The following FABP5 variants were observed in gnomAD, a reference collection of about 807,000 sequenced individuals.
The protein encoded by FABP5 is fatty acid-binding protein 5.
A neutral mutation model predicts 16.9 loss-of-function variants in FABP5; 7 were observed. The ratio of observed to expected loss-of-function variants is 0.41; its 90% confidence interval spans 0.24 to 0.78. The LOEUF (loss-of-function observed/expected upper bound fraction) is 0.78, where lower values mean the gene tolerates loss of function less well. Ranked by LOEUF, FABP5 falls within the 30% of genes least tolerant of loss-of-function variation. The pLI is 0.30. For missense variants in FABP5, 119 were observed against 159.5 expected, an observed-to-expected ratio of 0.75 and a Z score of 1.37; for synonymous variants, 37 against 52.8, an observed-to-expected ratio of 0.70 and a Z score of 1.30.
chr8:81,280,980 A>G (rs1205000317), intron 1 of FABP5: 4 of 353,014 alleles, frequency 1.1e-5, no homozygotes, highest in South Asian at 1.1e-4. Flanking sequence ...GCCCTTCCGC[A>G]TTGCTTCCTG....
rs146990587 is a variant in FABP5, at chr8:81,283,546, G to A, written c.252+8G>A. 6.5e-5 allele frequency: 104 copies of A among 1,604,492 alleles called. No homozygotes were observed. The highest frequency in any genetic ancestry group is 3.3e-4 in the Middle Eastern group (2 of 6,026). ...GATGGCAGAAAAACTCAGGTCAGTCGTGACATGTTATGAAATCACAGAAGC... is the reference window on the plus strand; with the variant it reads ...GATGGCAGAAAAACTCAGGTCAGTCATGACATGTTATGAAATCACAGAAGC... On this transcript the variant is annotated splice_region_variant and intron_variant, in intron 2 of 3. Transcript: ENST00000297258.
chr8:81,284,383 T>C, intron 3 of FABP5, 131 bp from the exon 4 acceptor site: 1 of 631,570 alleles, frequency 1.6e-6, no homozygotes, highest in Non-Finnish European at 2.8e-6. Context: ...CCGTGAATTC[T>C]GAAAGAAATT....
At position 81,283,991 on chromosome 8, in the gene FABP5, T is replaced by C; in HGVS notation, c.354+17T>C. On this transcript the variant is annotated intron_variant, in intron 3 of 3. Coordinates refer to ENST00000297258, the MANE Select transcript of FABP5 (RefSeq NM_001444.3). ...TTAGTGGTGGTAAGTGTCAAACTGC[T>C]GTGTCTCAGTCAGCTTCTTGTGTGC... is the stretch of plus-strand genomic sequence containing the variant. 6.4e-7 allele frequency: 1 copy of C among 1,556,532 alleles called. No homozygotes were observed. The highest frequency in any genetic ancestry group is 8.8e-7 in the Non-Finnish European group (1 of 1,138,604).
In FABP5 at chr8:81,281,492, G is replaced by GTGTGTTGCCAT; in HGVS notation, c.79+819_79+829dup. 1 of 985,594 alleles carries GTGTGTTGCCAT rather than the reference G, an allele frequency of 1.0e-6. No individual in the cohort carries two copies. The highest frequency in any genetic ancestry group is 1.2e-6 in the Non-Finnish European group (1 of 830,074). 61.1% of individuals were successfully genotyped at this position (985,594 alleles called of 1,614,324 possible). On this transcript the variant is annotated intron_variant, in intron 1 of 3. Coordinates refer to ENST00000297258, the MANE Select transcript of FABP5 (RefSeq NM_001444.3). This position sits in a 1 kb window ranked among gnomAD's most constrained non-coding sequence, Gnocchi z 4.5. ...AGCGCAATGAGGCCTGGGGGTGGCCGTGTGTTGCCATCCTGGCCTCTGCCA... is the reference window on the plus strand; with the variant it reads ...AGCGCAATGAGGCCTGGGGGTGGCCGTGTGTTGCCATTGTGTTGCCATCCTGGCCTCTGCCA...
chr8:81,281,300 C>T lies in FABP5; in HGVS notation c.79+626C>T, dbSNP rs1807826778. The T allele has an allele frequency of 1.0e-6, 1 of 964,404 alleles. No homozygotes were observed. The highest frequency in any genetic ancestry group is 1.2e-6 in the Non-Finnish European group (1 of 810,750). 59.7% of individuals were successfully genotyped at this position (964,404 alleles called of 1,614,324 possible). A position where few individuals can be genotyped will look rare whatever the true frequency, so the allele number is the denominator to read the frequency against. On this transcript the variant is annotated intron_variant, in intron 1 of 3. Transcript: ENST00000297258. This position sits in a 1 kb window ranked among gnomAD's most constrained non-coding sequence, Gnocchi z 4.5. ...CTTCAGCTTGCATTCCTCTGTCAGC[C>T]CCGTCTCCCCCAGGTCCTCTGCTCG...
Position 81,281,774 on chromosome 8 carries a change from C to T in FABP5, c.79+1100C>T. The T allele has an allele frequency of 1.4e-6, 1 of 734,338 alleles. No homozygotes were observed. The highest frequency in any genetic ancestry group is 1.7e-6 in the Non-Finnish European group (1 of 600,790). The allele number at this position is 734,338 out of a possible 1,614,324, so 45.5% of individuals were successfully genotyped here. A position where few individuals can be genotyped will look rare whatever the true frequency, so the allele number is the denominator to read the frequency against. ...GCTGATTGAGACACTGGATAAATTG[C>T]AAACAAAAATGGACCTTTGTCACAG... is the stretch of plus-strand genomic sequence containing the variant. On this transcript the variant is annotated intron_variant, in intron 1 of 3. Coordinates refer to ENST00000297258, the MANE Select transcript of FABP5 (RefSeq NM_001444.3). The surrounding 1 kb of genome is among the most constrained non-coding windows in gnomAD (Gnocchi z 4.5).
At chr8:81,284,460 C>A in intron 3 of FABP5, 54 bp from the exon 4 acceptor site, 1 of 1,204,620 alleles carries the variant, frequency 8.3e-7, no homozygotes, top group Non-Finnish European at 1.2e-6. Flanking sequence ...AATACCACCA[C>A]TGCTCTGGAA....
intron 1 of FABP5, among the ~76,000 whole-genome samples, chr8:81,282,386 C>CAATA (rs1473585749): frequency 6.6e-6 from 1 of 152,084 alleles, no homozygotes; most frequent in East Asian, 1.9e-4. Context: ...CATAATGACT[C>CAATA]AATTAACAGC....
At chr8:81,283,996 CTCAG>C (rs769680752) in intron 3 of FABP5, 22 bp downstream of exon 3, 2 of 1,525,630 alleles carry the variant, frequency 1.3e-6, no homozygotes, top group South Asian at 1.1e-5. Flanking sequence ...ACTGCTGTGT[CTCAG>C]TCAGCTTCTT....
Position 81,281,622 on chromosome 8 carries a change from C to T in FABP5, c.79+948C>T. The T allele has an allele frequency of 2.7e-5, 27 of 985,434 alleles. No homozygotes were observed. The highest frequency in any genetic ancestry group is 3.1e-5 in the Non-Finnish European group (26 of 829,920). 61.0% of individuals were successfully genotyped at this position (985,434 alleles called of 1,614,324 possible). A position where few individuals can be genotyped will look rare whatever the true frequency, so the allele number is the denominator to read the frequency against. ...TGCATGCAAGATGGGTGTGGCCCTG[C>T]AGAAGGCAGATGACTTCTTGAAGCG... On this transcript the variant is annotated intron_variant, in intron 1 of 3. Coordinates refer to ENST00000297258, the MANE Select transcript of FABP5 (RefSeq NM_001444.3). This position sits in a 1 kb window ranked among gnomAD's most constrained non-coding sequence, Gnocchi z 4.5.
Position 81,284,295 on chromosome 8 carries a change from A to C in FABP5, c.355-219A>C, listed in dbSNP as rs1586290375. The C allele has an allele frequency of 2.2e-5, 12 of 536,134 alleles. No individual in the cohort carries two copies. The East Asian group carries it at 3.5e-4, about 15-fold the overall frequency. 33.2% of individuals were successfully genotyped at this position (536,134 alleles called of 1,614,324 possible). On this transcript the variant is annotated intron_variant, in intron 3 of 3. Transcript: ENST00000297258. Reference sequence around the variant, plus strand: ...AATATTTGCCATAACCAAAAGAATAAAGATATATTCAACACATTAGTTTTC... The same window carrying C: ...AATATTTGCCATAACCAAAAGAATACAGATATATTCAACACATTAGTTTTC...
chr8:81,282,167 AGTGT>A (rs10700115), intron 1 of FABP5, among the ~76,000 whole-genome samples: 255 of 147,782 alleles, frequency 1.7e-3, no homozygotes, highest in Middle Eastern at 0.017. Flanking sequence ...AATAAATAAC[AGTGT>A]GTGTGTGTGT....
chr8:81,281,362 C>T lies in FABP5; in HGVS notation c.79+688C>T. The T allele has an allele frequency of 5.1e-6, 5 of 985,598 alleles. No individual in the cohort carries two copies. Among genetic ancestry groups the T allele is most frequent in the Non-Finnish European group, 6.0e-6 (5 of 830,116 alleles). 61.1% of individuals were successfully genotyped at this position (985,598 alleles called of 1,614,324 possible). ...TGAGCCGAACCCTTTGGATTGGTAC[C>T]CCATGGAACACCAGGGCCCCCGAGA... On this transcript the variant is annotated intron_variant, in intron 1 of 3. Coordinates refer to ENST00000297258, the MANE Select transcript of FABP5 (RefSeq NM_001444.3). The surrounding 1 kb of genome is among the most constrained non-coding windows in gnomAD (Gnocchi z 4.5).
At position 81,284,498 on chromosome 8, in the gene FABP5, T is replaced by G. The variant is rs751132842; in HGVS notation, c.355-16T>G. On this transcript the variant is annotated splice_polypyrimidine_tract_variant and intron_variant, in intron 3 of 3. Coordinates refer to ENST00000297258, the MANE Select transcript of FABP5 (RefSeq NM_001444.3). ...TAAGGCTAACCTAACTCTTTTAATA[T>G]CTTTCCTTCTTCTAGGAGTGTGTCA... is the stretch of plus-strand genomic sequence containing the variant. 14 of 1,581,356 alleles carry G rather than the reference T, an allele frequency of 8.9e-6. No individual in the cohort carries two copies. In the Middle Eastern group the frequency reaches 6.7e-4, roughly 75 times the overall value.
rs529007132 is a variant in FABP5, at chr8:81,281,592, C to G, written c.79+918C>G. On this transcript the variant is annotated intron_variant, in intron 1 of 3. Coordinates refer to ENST00000297258, the MANE Select transcript of FABP5 (RefSeq NM_001444.3). This position sits in a 1 kb window ranked among gnomAD's most constrained non-coding sequence, Gnocchi z 4.5. ...CAGAAACTGCCTGGCCCTCCTGCGG[C>G]TAACTGCATGCAAGATGGGTGTGGC... The G allele has an allele frequency of 1.5e-4, 150 of 985,610 alleles. No individual in the cohort carries two copies. The African/African-American group carries it at 2.5e-3, about 17-fold the overall frequency. 61.1% of individuals were successfully genotyped at this position (985,610 alleles called of 1,614,324 possible). A position where few individuals can be genotyped will look rare whatever the true frequency, so the allele number is the denominator to read the frequency against.
intron 2 of FABP5, 66 bp from the exon 3 acceptor site, chr8:81,283,807 G>A: frequency 1.6e-6 from 2 of 1,283,004 alleles, no homozygotes; most frequent in Non-Finnish European, 2.2e-6. Flanking sequence ...TGATTAAGGA[G>A]GTTATGAGTC....
chr8:81,281,976 C>T lies in FABP5; in HGVS notation c.79+1302C>T, dbSNP rs557224423. ...TGACCCTCTATTGATACCTGGTCGC[C>T]GTGGCACTTCGGAATCACTCCTTCA... On this transcript the variant is annotated intron_variant, in intron 1 of 3. Coordinates refer to ENST00000297258, the MANE Select transcript of FABP5 (RefSeq NM_001444.3). This position sits in a 1 kb window ranked among gnomAD's most constrained non-coding sequence, Gnocchi z 4.5. Among the ~76,000 whole-genome samples the T allele has an allele frequency of 6.6e-6, 1 of 152,182 alleles. No individual in the cohort carries two copies. Among genetic ancestry groups the T allele is most frequent in the South Asian group, 2.1e-4 (1 of 4,808 alleles).
chr8:81,280,797 C>G, intron 1 of FABP5, 123 bp downstream of exon 1: 1 of 845,252 alleles, frequency 1.2e-6, no homozygotes. Context: ...CCCATCCCCT[C>G]CCATCTTCCC....
At position 81,283,909 on chromosome 8, in the gene FABP5, C is replaced by T. The variant is rs150855563; in HGVS notation, c.289C>T (p.His97Tyr). ...CTTTACAGATGGTGCATTGGTTCAG[C>T]ATCAGGAGTGGGATGGGAAGGAAAG... ...CNFTDGALVQ[H>Y]QEWDGKESTI... Residue 97 changes from histidine to tyrosine, a missense_variant, in exon 3 of 4, where the codon CAT becomes TAT. Physicochemically the swap from His to Tyr is moderately conservative, Grantham distance 83. Coordinates refer to ENST00000297258, the MANE Select transcript of FABP5 (RefSeq NM_001444.3). 1.8e-3 allele frequency: 2,872 copies of T among 1,612,822 alleles called. 3 individuals are homozygous for T. The highest frequency in any genetic ancestry group is 2.1e-3 in the Non-Finnish European group (2,468 of 1,179,350).
Sources: allele counts gnomAD v4.1 joint callset (sites outside exome capture counted in the v4.1 genomes callset), GRCh38; gene constraint gnomAD v4.1.1; non-coding constraint Gnocchi (gnomAD v3.1); transcripts MANE v1.5; gene names NCBI Gene and HGNC (gene_info 2026-07-23, HGNC 2026-07-21).